Variants in SENP7 observed in about 807,000 individuals in gnomAD.
SENP7 encodes sentrin-specific protease 7.
In SENP7, 64 loss-of-function variants were observed where a neutral mutation model predicts 141.2. The observed-to-expected ratio is 0.45, with a 90% CI of 0.37 to 0.56. The LOEUF (loss-of-function observed/expected upper bound fraction) is 0.56, where lower values mean the gene tolerates loss of function less well. Among genes scored for constraint, SENP7 ranks in the 20% least tolerant of loss-of-function variants. The probability of loss-of-function intolerance (pLI) is 0.00; values close to 1 mark genes in which losing one functional copy is unlikely to be tolerated. For synonymous variants in SENP7, 382 were observed against 426.4 expected (o/e 0.90, Z 1.28); for missense variants, 1,025 against 1,212.2 (o/e 0.85, Z 2.29).
At chr3:101,424,163 C>G (rs2061876852) in intron 4 of SENP7, among the ~76,000 whole-genome samples, 1 of 152,114 alleles carries the variant, frequency 6.6e-6, no homozygotes, top group South Asian at 2.1e-4. Flanking sequence ...GTGGTGTCTA[C>G]TTGCAGGGCA....
At chr3:101,330,446 T>C (rs961419978) in intron 19 of SENP7, 60 bp from the exon 20 acceptor site, 9 of 1,121,908 alleles carry the variant, frequency 8.0e-6, no homozygotes, top group African/African-American at 1.6e-5. Flanking sequence ...ACAGGTAACT[T>C]AGAAAAGCTT....
At chr3:101,330,512 A>G in intron 19 of SENP7, 126 bp from the exon 20 acceptor site, 1 of 513,606 alleles carries the variant, frequency 1.9e-6, no homozygotes, top group South Asian at 3.8e-5. Flanking sequence ...TTGAGATTTA[A>G]TTTTTTTCAT....
At chr3:101,439,577 C>T (rs2062562218) in intron 4 of SENP7, among the ~76,000 whole-genome samples, 1 of 42,118 alleles carries the variant, frequency 2.4e-5, no homozygotes, top group Non-Finnish European at 5.7e-5. Flanking sequence ...CGGCCAGCCG[C>T]CCCGTCCGGG....
At chr3:101,406,902 T>G (rs2061322572) in intron 5 of SENP7, among the ~76,000 whole-genome samples, 1 of 152,230 alleles carries the variant, frequency 6.6e-6, no homozygotes, top group South Asian at 2.1e-4. Flanking sequence ...TAGAAGGGAC[T>G]GGAGCCCTAT....
At chr3:101,481,076 C>CCAAA (rs1390887538) in intron 3 of SENP7, among the ~76,000 whole-genome samples, 2 of 127,252 alleles carry the variant, frequency 1.6e-5, no homozygotes, top group Non-Finnish European at 1.7e-5. Flanking sequence ...GAGATTTCCC[C>CCAAA]AAAAAAAAAA....
chr3:101,509,953 G>C (rs1331153174), intron 1 of SENP7, among the ~76,000 whole-genome samples: 1 of 151,588 alleles, frequency 6.6e-6, no homozygotes, highest in African/African-American at 2.4e-5. Flanking sequence ...ACAATGTCTA[G>C]TGCCTAAGTA....
intron 5 of SENP7, among the ~76,000 whole-genome samples, chr3:101,416,229 T>C (rs2061616614): frequency 6.7e-6 from 1 of 150,358 alleles, no homozygotes; most frequent in Non-Finnish European, 1.5e-5. Context: ...AAAAACAAAT[T>C]AGAATCTTAC....
intron 3 of SENP7, among the ~76,000 whole-genome samples, chr3:101,479,616 AAAG>A (rs1164171056): frequency 6.6e-6 from 1 of 151,608 alleles, no homozygotes. Context: ...CAAAAAAAAA[AAAG>A]AAAGACTCAG....
Position 101,348,082 on chromosome 3 carries a change from A to C in SENP7, c.1658-31T>G. ...ACAAATAAAAGACAACAATTTAAAA[A>C]ATTAATCCATTTAAGAATACACCAC... On this transcript the variant is annotated intron_variant, in intron 12 of 23. Coordinates refer to ENST00000394095, the MANE Select transcript of SENP7 (RefSeq NM_020654.5). The C allele has an allele frequency of 2.7e-6, 4 of 1,489,092 alleles. No individual in the cohort carries two copies. The South Asian group carries it at 5.5e-5, about 21-fold the overall frequency. 92.2% of individuals were successfully genotyped at this position (1,489,092 alleles called of 1,614,324 possible).
At chr3:101,463,368 T>TAAATATATATATATATATATAC in intron 3 of SENP7, among the ~76,000 whole-genome samples, 1 of 76,390 alleles carries the variant, frequency 1.3e-5, no homozygotes, top group Non-Finnish European at 2.4e-5. Context: ...TAAATAAATA[T>TAAATATATATATATATATATAC]ATATATATAT....
intron 3 of SENP7, among the ~76,000 whole-genome samples, chr3:101,470,071 A>C (rs1260230703): frequency 6.6e-6 from 1 of 152,178 alleles, no homozygotes; most frequent in Non-Finnish European, 1.5e-5. Context: ...GGACATATTT[A>C]AAGCAGTGTG....
chr3:101,367,737 C>T, intron 8 of SENP7, 93 bp downstream of exon 8: 1 of 761,914 alleles, frequency 1.3e-6, no homozygotes, highest in South Asian at 2.5e-5. Flanking sequence ...ATAATAAAAG[C>T]TGAAAGCTAG....
At chr3:101,419,604 T>C (rs918432350) in intron 4 of SENP7, among the ~76,000 whole-genome samples, 2 of 151,968 alleles carry the variant, frequency 1.3e-5, no homozygotes, top group Non-Finnish European at 2.9e-5. Flanking sequence ...AAGTGGAAAA[T>C]AAGACAAGAC....
Position 101,366,421 on chromosome 3 carries a change from G to A in SENP7, c.1318+9C>T. ...AATTAAGTAACTTTATAATCCTCCT[G>A]TCACTTACTTGGTTCAGCTGAGATC... is the stretch of plus-strand genomic sequence containing the variant. On this transcript the variant is annotated intron_variant, in intron 9 of 23. Coordinates refer to ENST00000394095, the MANE Select transcript of SENP7 (RefSeq NM_020654.5). 6.5e-7 allele frequency: 1 copy of A among 1,532,088 alleles called. No homozygotes were observed. The highest frequency in any genetic ancestry group is 8.9e-7 in the Non-Finnish European group (1 of 1,129,502). 94.9% of individuals were successfully genotyped at this position (1,532,088 alleles called of 1,614,324 possible).
intron 1 of SENP7, 35 bp downstream of exon 1, chr3:101,513,056 A>G: frequency 6.2e-7 from 1 of 1,609,376 alleles, no homozygotes; most frequent in Non-Finnish European, 8.5e-7. Flanking sequence ...CGGGTAGGAG[A>G]CAATATGTTC....
intron 4 of SENP7, among the ~76,000 whole-genome samples, chr3:101,446,401 CTA>C (rs1254178916): frequency 6.6e-6 from 1 of 152,200 alleles, no homozygotes; most frequent in East Asian, 1.9e-4. Context: ...TTAATCTGCA[CTA>C]TAGACCTAAT....
In SENP7 at chr3:101,325,815, A is replaced by C. The variant is rs970773310; in HGVS notation, c.*128T>G. 1 of 779,184 alleles carries C rather than the reference A, an allele frequency of 1.3e-6. No homozygotes were observed. Among genetic ancestry groups the C allele is most frequent in the Non-Finnish European group, 1.9e-6 (1 of 518,932 alleles). 48.3% of individuals were successfully genotyped at this position (779,184 alleles called of 1,614,324 possible). On this transcript the variant is annotated 3_prime_UTR_variant, in exon 24 of 24. Coordinates refer to ENST00000394095, the MANE Select transcript of SENP7 (RefSeq NM_020654.5). Reference sequence around the variant, plus strand: ...TAATGTGTCCTACATATTTTAAATAATGTTCCAATGACTTATTATAAAACT... The same window carrying C: ...TAATGTGTCCTACATATTTTAAATACTGTTCCAATGACTTATTATAAAACT...
rs765299469 is a variant in SENP7, at chr3:101,398,856, C to T, written c.677+5G>A. 1.3e-6 allele frequency: 2 copies of T among 1,561,772 alleles called. No homozygotes were observed. Among genetic ancestry groups the T allele is most frequent in the East Asian group, 4.5e-5 (2 of 44,112 alleles). Reference sequence around the variant, plus strand: ...TATTTTGAGTAAAGTTATCACTAAACATACCTTTCAGATAAATAACAGCTC... The same window carrying T: ...TATTTTGAGTAAAGTTATCACTAAATATACCTTTCAGATAAATAACAGCTC... On this transcript the variant is annotated splice_donor_5th_base_variant and intron_variant, in intron 6 of 23. Transcript: ENST00000394095.
intron 9 of SENP7, among the ~76,000 whole-genome samples, chr3:101,366,086 T>G (rs1450961191): frequency 1.3e-5 from 2 of 152,198 alleles, no homozygotes; most frequent in Non-Finnish European, 2.9e-5. Context: ...AAATTAATGA[T>G]AATAATCAGA....
Sources: allele counts gnomAD v4.1 joint callset (sites outside exome capture counted in the v4.1 genomes callset), GRCh38; gene constraint gnomAD v4.1.1; transcripts MANE v1.5; gene names NCBI Gene and HGNC (gene_info 2026-07-23, HGNC 2026-07-21).